EDIL3: variants seen among roughly 807,000 people sequenced by gnomAD.
EDIL3 encodes the protein EGF-like repeat and discoidin I-like domain-containing protein 3.
A neutral mutation model predicts 67.4 loss-of-function variants in EDIL3; 37 were observed. That is an observed-to-expected ratio of 0.55 (90% CI 0.42 to 0.72). The LOEUF is 0.72. Ranked by LOEUF, EDIL3 falls within the 30% of genes least tolerant of loss-of-function variation. The pLI is 0.00. For synonymous variants in EDIL3, 195 were observed against 196.3 expected (o/e 0.99, Z 0.05); for missense variants, 527 against 586.3 (o/e 0.90, Z 1.04).
At chr5:84,121,486 C>T (rs1747772595) in intron 5 of EDIL3, among the ~76,000 whole-genome samples, 1 of 151,802 alleles carries the variant, frequency 6.6e-6, no homozygotes, top group Non-Finnish European at 1.5e-5. Context: ...ATCCTACACA[C>T]TGCATTCAGA....
Position 84,074,010 on chromosome 5 carries a change from A to C in EDIL3, c.652-7404T>G, listed in dbSNP as rs1746800547. Among the ~76,000 whole-genome samples, 4 of 152,116 alleles carry C rather than the reference A, an allele frequency of 2.6e-5. No homozygotes were observed. The South Asian group carries it at 8.3e-4, about 32-fold the overall frequency. The stretch of plus-strand genomic sequence containing the variant: ...GGTACCAAAACAGAGATCTAGATCA[A>C]TGGAACAGAACAGAGCCCTCAGAAA... On this transcript the variant is annotated intron_variant, in intron 6 of 10. Transcript: ENST00000296591.
chr5:84,237,185 T>C (rs1185741930), intron 2 of EDIL3, among the ~76,000 whole-genome samples: 6 of 152,130 alleles, frequency 3.9e-5, no homozygotes, highest in Non-Finnish European at 8.8e-5. Flanking sequence ...ACTACTCACT[T>C]CAACCTCAAT....
intron 1 of EDIL3, among the ~76,000 whole-genome samples, chr5:84,312,594 T>C (rs1162318360): frequency 8.5e-5 from 12 of 141,676 alleles, no homozygotes; most frequent in African/African-American, 3.3e-4. Flanking sequence ...ACGGGGCGGC[T>C]GGCCGGGCGG....
chr5:84,205,489 G>A (rs926726979), intron 3 of EDIL3, among the ~76,000 whole-genome samples: 1 of 152,128 alleles, frequency 6.6e-6, no homozygotes, highest in Non-Finnish European at 1.5e-5. Flanking sequence ...TCATGTAAGT[G>A]AGCTGTGTCC....
chr5:84,268,355 AC>A (rs1295190728), intron 1 of EDIL3, among the ~76,000 whole-genome samples: 1 of 152,150 alleles, frequency 6.6e-6, no homozygotes, highest in East Asian at 1.9e-4. Context: ...TTCTGCAAAC[AC>A]CAGTCCTTTC....
intron 1 of EDIL3, among the ~76,000 whole-genome samples, chr5:84,331,498 C>T (rs1034295564): frequency 6.6e-6 from 1 of 152,070 alleles, no homozygotes; most frequent in Non-Finnish European, 1.5e-5. Context: ...GGGGCTTTGC[C>T]CTGCCTTTGC....
At chr5:84,189,527 A>T (rs968751597) in intron 3 of EDIL3, among the ~76,000 whole-genome samples, 2 of 152,030 alleles carry the variant, frequency 1.3e-5, no homozygotes, top group African/African-American at 4.8e-5. Context: ...AAAATTAATA[A>T]CCAATCACAG....
chr5:84,107,695 TTA>T (rs113437980), intron 5 of EDIL3, among the ~76,000 whole-genome samples: 2,222 of 150,872 alleles, frequency 0.015, 51 homozygotes, highest in African/African-American at 0.051. Context: ...CCAAATGTAT[TTA>T]GTTTTTCAAA....
intron 5 of EDIL3, 47 bp downstream of exon 5, chr5:84,137,194 C>CACAT: frequency 7.9e-7 from 1 of 1,267,764 alleles, no homozygotes; most frequent in Non-Finnish European, 1.1e-6. Flanking sequence ...TACACACACA[C>CACAT]ACACACACAC....
In EDIL3 at chr5:83,963,277, G is replaced by T; in HGVS notation, c.1221C>A (p.Ser407=). 6.2e-7 allele frequency: 1 copy of T among 1,610,072 alleles called. No individual in the cohort carries two copies. The highest frequency in any genetic ancestry group is 8.5e-7 in the Non-Finnish European group (1 of 1,177,626). ...KDFGHVQFVG[S]YKLAYSNDGE... ...CATCATTGCTGTAAGCCAGTTTGTA[G>T]GAGCCAACAAACTGTACATGACCAA... The change falls in exon 10 of 11, where the codon TCC becomes TCA. Residue 407 remains serine (S), a synonymous_variant. Transcript: ENST00000296591.
At chr5:84,143,711 G>A (rs1280583607) in intron 4 of EDIL3, among the ~76,000 whole-genome samples, 3 of 151,924 alleles carry the variant, frequency 2.0e-5, no homozygotes, top group African/African-American at 7.2e-5. Flanking sequence ...TATCAAGAGG[G>A]TGTTATGTCT....
At chr5:84,157,502 T>C (rs952062898) in intron 4 of EDIL3, among the ~76,000 whole-genome samples, 7 of 152,114 alleles carry the variant, frequency 4.6e-5, no homozygotes. Flanking sequence ...TGTATGTATG[T>C]ATGTATTTGC....
intron 6 of EDIL3, among the ~76,000 whole-genome samples, chr5:84,073,685 A>T (rs771961651): frequency 0.065 from 9,862 of 151,430 alleles, 441 homozygotes; most frequent in Middle Eastern, 0.11. Context: ...CCACTGCTCA[A>T]TGAAATAAAA....
intron 6 of EDIL3, among the ~76,000 whole-genome samples, chr5:84,090,873 G>A (rs968839716): frequency 1.3e-4 from 19 of 151,904 alleles, no homozygotes; most frequent in Non-Finnish European, 2.6e-4. Context: ...GCTTGAACCC[G>A]GGAGGCGGAG....
intron 5 of EDIL3, among the ~76,000 whole-genome samples, chr5:84,126,022 C>T (rs951479380): frequency 2.6e-5 from 4 of 151,888 alleles, no homozygotes; most frequent in South Asian, 2.1e-4. Flanking sequence ...ATTTAGAATA[C>T]ATCATCTCTC....
At chr5:84,355,957 C>T (rs1483894750) in intron 1 of EDIL3, among the ~76,000 whole-genome samples, 1 of 152,188 alleles carries the variant, frequency 6.6e-6, no homozygotes, top group African/African-American at 2.4e-5. Flanking sequence ...ACTTGGGCTG[C>T]TGCCTTTCAT....
intron 2 of EDIL3, among the ~76,000 whole-genome samples, chr5:84,251,538 T>C (rs1195386925): frequency 2.6e-5 from 4 of 152,038 alleles, no homozygotes; most frequent in African/African-American, 9.7e-5. Context: ...ATTAAAGGCA[T>C]TACTACCAAG....
intron 4 of EDIL3, among the ~76,000 whole-genome samples, chr5:84,161,214 T>C (rs1286188808): frequency 6.6e-6 from 1 of 152,028 alleles, no homozygotes; most frequent in Non-Finnish European, 1.5e-5. Flanking sequence ...GGTGTGTATA[T>C]ACCACATTTT....
intron 1 of EDIL3, among the ~76,000 whole-genome samples, chr5:84,317,173 C>T (rs1353363320): frequency 4.0e-5 from 6 of 151,880 alleles, no homozygotes; most frequent in African/African-American, 9.7e-5. Flanking sequence ...GATCTAAAAT[C>T]GACACCCTAA....
Sources: allele counts gnomAD v4.1 joint callset (sites outside exome capture counted in the v4.1 genomes callset), GRCh38; gene constraint gnomAD v4.1.1; transcripts MANE v1.5; gene names NCBI Gene and HGNC (gene_info 2026-07-23, HGNC 2026-07-21).